PTPRD: variants seen among roughly 807,000 people sequenced by gnomAD.
The protein encoded by PTPRD is receptor-type tyrosine-protein phosphatase delta.
Under a neutral mutation model 214.5 loss-of-function variants are expected in PTPRD, and 34 were observed. That is an observed-to-expected ratio of 0.16 (90% CI 0.12 to 0.21). PTPRD has a LOEUF of 0.21. Ranked by LOEUF, PTPRD falls within the 10% of genes least tolerant of loss-of-function variation. The pLI is 1.00. For missense variants in PTPRD, 2,545 were observed against 2,398.7 expected (o/e 1.06, Z -1.27); for synonymous variants, 1,128 against 845.7 (o/e 1.33, Z -5.79).
intron 11 of PTPRD, among the ~76,000 whole-genome samples, chr9:8,751,963 G>C (rs1470765364): frequency 6.6e-6 from 1 of 152,042 alleles, no homozygotes; most frequent in Non-Finnish European, 1.5e-5. Flanking sequence ...CAAAAGAATG[G>C]GACAAAAGCA....
chr9:9,544,725 A>G (rs2154276638), intron 8 of PTPRD, among the ~76,000 whole-genome samples: 1 of 151,862 alleles, frequency 6.6e-6, no homozygotes, highest in East Asian at 1.9e-4. Flanking sequence ...AAAGATAGAT[A>G]TTTTGAGAAA....
At chr9:8,530,138 T>C (rs2075306839) in intron 14 of PTPRD, among the ~76,000 whole-genome samples, 1 of 152,058 alleles carries the variant, frequency 6.6e-6, no homozygotes, top group Non-Finnish European at 1.5e-5. Flanking sequence ...TGAGGTTATG[T>C]TAGAATTTCT....
At chr9:8,574,690 A>AT (rs908184565) in intron 14 of PTPRD, among the ~76,000 whole-genome samples, 1 of 151,906 alleles carries the variant, frequency 6.6e-6, no homozygotes, top group African/African-American at 2.4e-5. Flanking sequence ...GGTTCTTTTC[A>AT]TTTTTCTTCA....
intron 10 of PTPRD, among the ~76,000 whole-genome samples, chr9:9,173,724 C>T (rs779572078): frequency 4.6e-5 from 7 of 152,094 alleles, no homozygotes; most frequent in Non-Finnish European, 1.0e-4. Flanking sequence ...GCTGTATATG[C>T]AGTCCATGGT....
chr9:9,241,636 A>G (rs2099970391), intron 9 of PTPRD, among the ~76,000 whole-genome samples: 1 of 151,918 alleles, frequency 6.6e-6, no homozygotes, highest in Non-Finnish European at 1.5e-5. Flanking sequence ...GTTGGTTTAA[A>G]GCCTGTTTTA....
Position 8,435,302 on chromosome 9 carries a change from C to T in PTPRD, c.4086+1290G>A, listed in dbSNP as rs574933402. Reference sequence around the variant, plus strand: ...TTCTTATTTTTGTGACCCCTCTAAGCCACTTGAGGTTGGGGGTCCTCTTAG... The same window carrying T: ...TTCTTATTTTTGTGACCCCTCTAAGTCACTTGAGGTTGGGGGTCCTCTTAG... On this transcript the variant is annotated intron_variant, in intron 35 of 45. Transcript: ENST00000381196. Among the ~76,000 whole-genome samples the T allele has an allele frequency of 2.0e-5, 3 of 152,226 alleles. No homozygotes were observed. The South Asian group carries it at 6.2e-4, about 32-fold the overall frequency.
intron 10 of PTPRD, among the ~76,000 whole-genome samples, chr9:9,095,706 A>C (rs928489386): frequency 1.3e-5 from 2 of 152,034 alleles, no homozygotes; most frequent in Non-Finnish European, 2.9e-5. Context: ...GTTTCAAAAT[A>C]AATTAAAAAT....
At chr9:10,290,162 G>A (rs955543878) in intron 3 of PTPRD, among the ~76,000 whole-genome samples, 2 of 152,110 alleles carry the variant, frequency 1.3e-5, no homozygotes, top group African/African-American at 4.8e-5. Flanking sequence ...TTGTGAGTGG[G>A]TGGTTGCTGC....
At chr9:8,710,628 A>C (rs533526702) in intron 12 of PTPRD, among the ~76,000 whole-genome samples, 1 of 152,178 alleles carries the variant, frequency 6.6e-6, no homozygotes, top group East Asian at 1.9e-4. Flanking sequence ...AAAATAAATA[A>C]ATAAAAATAA....
At chr9:10,467,397 T>C (rs2099001844) in intron 2 of PTPRD, among the ~76,000 whole-genome samples, 1 of 152,164 alleles carries the variant, frequency 6.6e-6, no homozygotes, top group African/African-American at 2.4e-5. Context: ...ATAACCAAAA[T>C]TATTATTATT....
chr9:10,146,328 C>A (rs2099022792), intron 3 of PTPRD, among the ~76,000 whole-genome samples: 1 of 151,806 alleles, frequency 6.6e-6, no homozygotes, highest in African/African-American at 2.4e-5. Flanking sequence ...AAACACTATC[C>A]TAAGTGGTAA....
At chr9:10,229,172 G>C (rs1422847032) in intron 3 of PTPRD, among the ~76,000 whole-genome samples, 2 of 152,036 alleles carry the variant, frequency 1.3e-5, no homozygotes, top group Non-Finnish European at 2.9e-5. Context: ...ACACCAATTA[G>C]AATGGCGATC....
intron 7 of PTPRD, among the ~76,000 whole-genome samples, chr9:9,716,092 G>C (rs10977929): frequency 2.6e-5 from 4 of 151,806 alleles, no homozygotes; most frequent in East Asian, 3.9e-4. Context: ...CTATGAGTGA[G>C]AATATGCGGT....
intron 9 of PTPRD, among the ~76,000 whole-genome samples, chr9:9,395,355 G>C (rs527697820): frequency 2.6e-5 from 4 of 152,194 alleles, no homozygotes; most frequent in African/African-American, 9.6e-5. Context: ...GGGAGCTGAA[G>C]CATCAAAGTT....
intron 35 of PTPRD, among the ~76,000 whole-genome samples, chr9:8,424,075 G>A (rs1350434738): frequency 6.6e-6 from 1 of 152,026 alleles, no homozygotes; most frequent in African/African-American, 2.4e-5. Flanking sequence ...GGGTATAAAG[G>A]TTCCTATCCA....
chr9:8,619,176 A>G (rs879562761), intron 14 of PTPRD, among the ~76,000 whole-genome samples: 7 of 152,050 alleles, frequency 4.6e-5, no homozygotes, highest in Non-Finnish European at 8.8e-5. Context: ...CATACGCATT[A>G]TCTTACATAG....
intron 2 of PTPRD, among the ~76,000 whole-genome samples, chr9:10,603,294 G>A (rs1310382971): frequency 6.6e-6 from 1 of 151,834 alleles, no homozygotes; most frequent in East Asian, 1.9e-4. Context: ...ATACACTGGA[G>A]TTAGTTTTCC....
At chr9:9,423,129 A>C (rs2079450539) in intron 8 of PTPRD, among the ~76,000 whole-genome samples, 2 of 152,172 alleles carry the variant, frequency 1.3e-5, no homozygotes, top group Non-Finnish European at 2.9e-5. Flanking sequence ...CTGCTAGAAG[A>C]TAGAGTGAAT....
chr9:9,632,839 G>A (rs2095635788), intron 7 of PTPRD, among the ~76,000 whole-genome samples: 1 of 152,156 alleles, frequency 6.6e-6, no homozygotes, highest in African/African-American at 2.4e-5. Flanking sequence ...AGACTTCCCA[G>A]AGGATGTGAT....
Sources: allele counts gnomAD v4.1 joint callset (sites outside exome capture counted in the v4.1 genomes callset), GRCh38; gene constraint gnomAD v4.1.1; transcripts MANE v1.5; gene names NCBI Gene and HGNC (gene_info 2026-07-23, HGNC 2026-07-21).